Variants in GNAL observed in about 807,000 individuals in gnomAD.
GNAL encodes G protein subunit alpha L.
In GNAL, 18 loss-of-function variants were observed where a neutral mutation model predicts 55.1. That is an observed-to-expected ratio of 0.33 (90% CI 0.23 to 0.48). The LOEUF (loss-of-function observed/expected upper bound fraction) is 0.48, where lower values mean the gene tolerates loss of function less well. Among genes scored for constraint, GNAL ranks in the 20% least tolerant of loss-of-function variants. The pLI, the probability that GNAL is intolerant of heterozygous loss-of-function variation, is 0.99. For missense variants in GNAL, 412 were observed against 614.1 expected, an observed-to-expected ratio of 0.67 and a Z score of 3.48; for synonymous variants, 253 against 237.0, an observed-to-expected ratio of 1.07 and a Z score of -0.62.
chr18:11,711,033 G>A (rs1406392931), intron 1 of GNAL, among the ~76,000 whole-genome samples: 5 of 151,998 alleles, frequency 3.3e-5, no homozygotes, highest in Admixed American at 6.5e-5. Context: ...CTGCCACCGC[G>A]CCCGGCTAAT....
At chr18:11,736,999 G>A (rs1165645935) in intron 1 of GNAL, among the ~76,000 whole-genome samples, 1 of 152,206 alleles carries the variant, frequency 6.6e-6, no homozygotes, top group East Asian at 1.9e-4. Flanking sequence ...AGCAAATGTA[G>A]CAAAATGCTA....
In GNAL at chr18:11,833,187, A is replaced by G. The variant is rs558317638; in HGVS notation, c.722+8172A>G. 1.3e-4 allele frequency among the ~76,000 whole-genome samples: 19 copies of G among 151,576 alleles called. No homozygotes were observed. The South Asian group carries it at 4.0e-3, about 32-fold the overall frequency. On this transcript the variant is annotated intron_variant, in intron 5 of 11. Transcript: ENST00000334049. ...GCTGGAATTACAGGGGCCCGCCACCACTCCTGGCTAATTTTTGTATTTTTA... is the reference window on the plus strand; with the variant it reads ...GCTGGAATTACAGGGGCCCGCCACCGCTCCTGGCTAATTTTTGTATTTTTA...
intron 4 of GNAL, among the ~76,000 whole-genome samples, chr18:11,768,706 A>C (rs1401270643): frequency 2.0e-5 from 3 of 150,888 alleles, no homozygotes; most frequent in Non-Finnish European, 4.4e-5. Flanking sequence ...CATCCTGGCT[A>C]ACATGGTGAA....
At chr18:11,768,516 G>A (rs145080678) in intron 4 of GNAL, among the ~76,000 whole-genome samples, 3,272 of 151,896 alleles carry the variant, frequency 0.022, 54 homozygotes, top group Non-Finnish European at 0.033. Flanking sequence ...CAGGAGAATC[G>A]CTTGAACCCA....
chr18:11,749,547 T>A (rs141099939), intron 1 of GNAL, among the ~76,000 whole-genome samples: 1 of 152,286 alleles, frequency 6.6e-6, no homozygotes, highest in Non-Finnish European at 1.5e-5. Context: ...CTCCTCTGGG[T>A]CAGGCACTGA....
At chr18:11,714,733 G>A (rs73397836) in intron 1 of GNAL, among the ~76,000 whole-genome samples, 4,537 of 152,284 alleles carry the variant, frequency 0.03, 75 homozygotes, top group African/African-American at 0.042. Context: ...CCTATCTTCT[G>A]TCTTTGTAGC....
chr18:11,728,272 G>T (rs1012893547), intron 1 of GNAL, among the ~76,000 whole-genome samples: 2 of 151,998 alleles, frequency 1.3e-5, no homozygotes, highest in African/African-American at 4.8e-5. Flanking sequence ...GTGCAAGCAG[G>T]GGGTGGGGTG....
intron 4 of GNAL, among the ~76,000 whole-genome samples, chr18:11,754,952 GA>G (rs746319572): frequency 6.6e-6 from 1 of 152,078 alleles, no homozygotes; most frequent in African/African-American, 2.4e-5. Context: ...AAGCTTCTCA[GA>G]AAGTCATTTT....
chr18:11,775,480 C>A (rs1033508502), intron 4 of GNAL, among the ~76,000 whole-genome samples: 1 of 152,230 alleles, frequency 6.6e-6, no homozygotes, highest in Non-Finnish European at 1.5e-5. Flanking sequence ...ATACGTGGCC[C>A]GTGTCACACA....
intron 5 of GNAL, chr18:11,851,279 C>T: frequency 2.0e-6 from 1 of 499,096 alleles, no homozygotes; most frequent in Non-Finnish European, 3.5e-6. Flanking sequence ...CAGAATCCCC[C>T]TGCATGCGCA....
At chr18:11,878,339 T>C (rs1454589957) in intron 11 of GNAL, among the ~76,000 whole-genome samples, 2 of 152,026 alleles carry the variant, frequency 1.3e-5, no homozygotes, top group African/African-American at 4.8e-5. Flanking sequence ...TAGTCCCAGC[T>C]ACTCAGGAGG....
At chr18:11,839,146 A>T (rs1179158332) in intron 5 of GNAL, among the ~76,000 whole-genome samples, 1 of 152,236 alleles carries the variant, frequency 6.6e-6, no homozygotes, top group African/African-American at 2.4e-5. Flanking sequence ...TGCCTGGCAT[A>T]TAATAGGTGT....
intron 1 of GNAL, among the ~76,000 whole-genome samples, chr18:11,708,495 A>C (rs1033868585): frequency 2.0e-5 from 3 of 152,194 alleles, no homozygotes. Flanking sequence ...ATTTTAACAG[A>C]TATAATAATA....
intron 1 of GNAL, among the ~76,000 whole-genome samples, chr18:11,748,958 C>G (rs2032751026): frequency 6.6e-6 from 1 of 151,952 alleles, no homozygotes; most frequent in Non-Finnish European, 1.5e-5. Flanking sequence ...AACCCCGTCT[C>G]TACTAAAAAT....
chr18:11,801,390 T>C (rs1211264093), intron 4 of GNAL, among the ~76,000 whole-genome samples: 1 of 152,128 alleles, frequency 6.6e-6, no homozygotes, highest in Non-Finnish European at 1.5e-5. Flanking sequence ...ATGTTTCTAC[T>C]AAAAATATAA....
chr18:11,799,130 T>G (rs988942253), intron 4 of GNAL, among the ~76,000 whole-genome samples: 1 of 151,294 alleles, frequency 6.6e-6, no homozygotes, highest in African/African-American at 2.4e-5. Context: ...AAAAAAAAGT[T>G]AAATGAACAC....
intron 4 of GNAL, among the ~76,000 whole-genome samples, chr18:11,785,261 C>A (rs914402190): frequency 8.6e-5 from 13 of 151,462 alleles, no homozygotes; most frequent in Non-Finnish European, 1.5e-4. Flanking sequence ...AAGATGAGGT[C>A]ATTGCTCCTG....
At chr18:11,845,963 T>C (rs369547534) in intron 5 of GNAL, among the ~76,000 whole-genome samples, 58 of 152,302 alleles carry the variant, frequency 3.8e-4, no homozygotes, top group African/African-American at 1.4e-3. Context: ...AAGTCTTGTT[T>C]CAGGGATTTT....
chr18:11,877,432 C>T (rs182173922), intron 11 of GNAL, among the ~76,000 whole-genome samples: 2 of 152,304 alleles, frequency 1.3e-5, no homozygotes, highest in African/African-American at 4.8e-5. Flanking sequence ...TCCAGCCTGG[C>T]CGACAGAGCG....
Sources: allele counts gnomAD v4.1 joint callset (sites outside exome capture counted in the v4.1 genomes callset), GRCh38; gene constraint gnomAD v4.1.1; transcripts MANE v1.5; gene names NCBI Gene and HGNC (gene_info 2026-07-23, HGNC 2026-07-21).